KIAA0825: variants seen among roughly 807,000 people sequenced by gnomAD.
The protein encoded by KIAA0825 is KIAA0825, also known as uncharacterized protein KIAA0825.
KIAA0825 carries 119 observed loss-of-function variants against 147.6 expected under a neutral mutation model. The observed-to-expected ratio is 0.81, with a 90% CI of 0.69 to 0.94. KIAA0825 has a LOEUF of 0.94. Among genes scored for constraint, KIAA0825 ranks in the 40% least tolerant of loss-of-function variants. KIAA0825 has a pLI of 0.00. For missense variants in KIAA0825, 1,381 were observed against 1,472.7 expected (o/e 0.94, Z 1.02); for synonymous variants, 470 against 518.1 (o/e 0.91, Z 1.26).
In KIAA0825 at chr5:94,403,568, CT is replaced by C; in HGVS notation, c.2887del (p.Ser963AlafsTer13). The C allele has an allele frequency of 6.4e-7, 1 of 1,550,390 alleles. No individual in the cohort carries two copies. The highest frequency in any genetic ancestry group is 8.7e-7 in the Non-Finnish European group (1 of 1,146,134). Reference protein sequence around the residue: ...KETNRKESCKSFTRLTAQAVS... With the variant: ...KETNRKESCKXFTRLTAQAVS... Reference sequence around the variant, plus strand: ...TCTTAAAGAGAAACAAGTGTACTTACTTTTGCATGATTCTTTCCTGTTAGTT... The same window carrying C: ...TCTTAAAGAGAAACAAGTGTACTTACTTTGCATGATTCTTTCCTGTTAGTT... On this transcript the variant is annotated frameshift_variant and splice_region_variant, in exon 16 of 21. Coordinates refer to ENST00000682413, the MANE Select transcript of KIAA0825 (RefSeq NM_001145678.3). LOFTEE classifies it high-confidence loss of function.
chr5:94,537,115 A>T lies in KIAA0825; in HGVS notation c.12T>A (p.Asp4Glu). The change falls in exon 3 of 21, where the codon GAT (aspartate) becomes GAA (glutamate). Residue 4 changes from aspartate to glutamate, a missense_variant. Asp to Glu is a conservative substitution (Grantham distance 45). Transcript: ENST00000682413. MDW[D>E]DEYSHNSFDL... ...CAAAAGAATTATGAGAATATTCATC[A>T]TCCCAATCCATTCTGAGGAGCAAGA... 2.5e-6 allele frequency: 4 copies of T among 1,610,520 alleles called. No homozygotes were observed. The highest frequency in any genetic ancestry group is 3.4e-6 in the Non-Finnish European group (4 of 1,178,574).
intron 12 of KIAA0825, among the ~76,000 whole-genome samples, chr5:94,455,845 GA>G (rs993952261): frequency 2.6e-5 from 4 of 152,086 alleles, no homozygotes; most frequent in Non-Finnish European, 4.4e-5. Context: ...TCCAAGTGGG[GA>G]AGGATGAAAA....
intron 5 of KIAA0825, among the ~76,000 whole-genome samples, chr5:94,486,273 A>G (rs574938981): frequency 2.6e-5 from 4 of 152,056 alleles, no homozygotes; most frequent in Admixed American, 6.5e-5. Flanking sequence ...TACAAGTGCT[A>G]TTCAAAAACT....
intron 5 of KIAA0825, among the ~76,000 whole-genome samples, chr5:94,486,268 GTGCTATTCAAAA>G (rs1368348246): frequency 3.3e-5 from 5 of 151,986 alleles, no homozygotes; most frequent in Non-Finnish European, 7.4e-5. Flanking sequence ...CAAAATACAA[GTGCTATTCAAAA>G]ACTGTATAGG....
chr5:94,225,469 C>A (rs372853833), intron 20 of KIAA0825, among the ~76,000 whole-genome samples: 1 of 152,146 alleles, frequency 6.6e-6, no homozygotes, highest in Non-Finnish European at 1.5e-5. Flanking sequence ...GAAGTCCTAA[C>A]GCCAACGTAA....
At chr5:94,207,318 G>A (rs1235485709) in intron 20 of KIAA0825, among the ~76,000 whole-genome samples, 1 of 152,188 alleles carries the variant, frequency 6.6e-6, no homozygotes, top group African/African-American at 2.4e-5. Context: ...CCCAGGTGTT[G>A]CAAAGAGGTA....
In KIAA0825 at chr5:94,151,255, A is replaced by T. The variant is rs1161937942; in HGVS notation, c.*2752T>A. Among the ~76,000 whole-genome samples the T allele has an allele frequency of 6.7e-6, 1 of 150,356 alleles. No homozygotes were observed. The highest frequency in any genetic ancestry group is 2.0e-4 in the East Asian group (1 of 5,128). ...ACAAGGTGAAACCCCGTCTCTACTA[A>T]AAATACAAAAAAGTAGCCGGGCGCG... is the stretch of plus-strand genomic sequence containing the variant. On this transcript the variant is annotated 3_prime_UTR_variant, in exon 21 of 21. Coordinates refer to ENST00000682413, the MANE Select transcript of KIAA0825 (RefSeq NM_001145678.3).
chr5:94,569,502 T>C (rs952967808), intron 2 of KIAA0825: 17 of 410,656 alleles, frequency 4.1e-5, no homozygotes, highest in African/African-American at 3.1e-4. Context: ...ACCAATGATA[T>C]GAAAAACCAT....
At chr5:94,547,736 C>CAAAAAAAAAAAAAAAAA (rs144612994) in intron 2 of KIAA0825, among the ~76,000 whole-genome samples, 14 of 127,602 alleles carry the variant, frequency 1.1e-4, no homozygotes, top group African/African-American at 3.3e-4. Flanking sequence ...GACTCCCTTT[C>CAAAAAAAAAAAAAAAAA]AAAAAAAAAA....
intron 20 of KIAA0825, among the ~76,000 whole-genome samples, chr5:94,209,071 C>T (rs1772463545): frequency 6.6e-6 from 1 of 152,108 alleles, no homozygotes; most frequent in South Asian, 2.1e-4. Context: ...AAGAAAAAAC[C>T]CATGTGGGGC....
At chr5:94,485,372 A>G (rs548423557) in intron 5 of KIAA0825, among the ~76,000 whole-genome samples, 14 of 151,950 alleles carry the variant, frequency 9.2e-5, no homozygotes, top group African/African-American at 2.4e-4. Flanking sequence ...AGGAGTCTAA[A>G]TAGACATTAA....
At chr5:94,194,889 A>T (rs997183493) in intron 20 of KIAA0825, among the ~76,000 whole-genome samples, 2 of 152,164 alleles carry the variant, frequency 1.3e-5, no homozygotes, top group Non-Finnish European at 2.9e-5. Context: ...ATCTTTTCTT[A>T]GAGCTAACTC....
chr5:94,311,448 AT>A (rs1446841307), intron 20 of KIAA0825, among the ~76,000 whole-genome samples: 4 of 151,598 alleles, frequency 2.6e-5, no homozygotes, highest in African/African-American at 4.8e-5. Flanking sequence ...CAAAAAGGAC[AT>A]TCTTTAAATG....
intron 20 of KIAA0825, among the ~76,000 whole-genome samples, chr5:94,237,733 G>A (rs1435024065): frequency 6.6e-6 from 1 of 152,070 alleles, no homozygotes; most frequent in Non-Finnish European, 1.5e-5. Context: ...CCCGTAATAG[G>A]TACACAACAA....
Position 94,245,635 on chromosome 5 carries a change from A to G in KIAA0825, c.3711-91511T>C, listed in dbSNP as rs114427744. The stretch of plus-strand genomic sequence containing the variant: ...AACACTTTGATCTTGTCAGAGGACA[A>G]TCTAACCTCTTGAGTCAGAGTTAGC... On this transcript the variant is annotated intron_variant, in intron 20 of 20. Coordinates refer to ENST00000682413, the MANE Select transcript of KIAA0825 (RefSeq NM_001145678.3). Among the ~76,000 whole-genome samples, 440 of 152,260 alleles carry G rather than the reference A, an allele frequency of 2.9e-3. 2 individuals carry two copies. Among genetic ancestry groups the G allele is most frequent in the African/African-American group, 0.01 (425 of 41,552 alleles).
intron 3 of KIAA0825, among the ~76,000 whole-genome samples, chr5:94,524,760 C>A (rs915901584): frequency 6.6e-6 from 1 of 151,564 alleles, no homozygotes; most frequent in African/African-American, 2.4e-5. Context: ...TTTTACTTTT[C>A]CATATTTTCT....
chr5:94,560,739 T>A (rs184663270), intron 2 of KIAA0825, among the ~76,000 whole-genome samples: 1 of 152,242 alleles, frequency 6.6e-6, no homozygotes, highest in African/African-American at 2.4e-5. Flanking sequence ...TACCTCCGTC[T>A]GCAACCAGTG....
intron 20 of KIAA0825, among the ~76,000 whole-genome samples, chr5:94,162,658 G>A (rs1327538572): frequency 6.6e-6 from 1 of 152,144 alleles, no homozygotes; most frequent in African/African-American, 2.4e-5. Flanking sequence ...CAGAGAAATT[G>A]CAGATAGATG....
intron 16 of KIAA0825, among the ~76,000 whole-genome samples, chr5:94,400,680 A>G (rs1751259978): frequency 6.6e-6 from 1 of 152,202 alleles, no homozygotes; most frequent in African/African-American, 2.4e-5. Flanking sequence ...AAACAAAACA[A>G]CTAGTTCTTT....
Sources: allele counts gnomAD v4.1 joint callset (sites outside exome capture counted in the v4.1 genomes callset), GRCh38; gene constraint gnomAD v4.1.1; transcripts MANE v1.5; gene names NCBI Gene and HGNC (gene_info 2026-07-23, HGNC 2026-07-21).